Variants in SH3RF3 observed in about 807,000 individuals in gnomAD.
SH3RF3 encodes the protein SH3 domain containing ring finger 3.
Under a neutral mutation model 66.3 loss-of-function variants are expected in SH3RF3, and 29 were observed. The observed-to-expected ratio is 0.44, with a 90% CI of 0.33 to 0.60. The LOEUF (loss-of-function observed/expected upper bound fraction) is 0.60, where lower values mean the gene tolerates loss of function less well. SH3RF3 is among the 20% of genes least tolerant of loss of function. The pLI is 0.04. For synonymous variants in SH3RF3, 583 were observed against 532.0 expected (o/e 1.10, Z -1.32); for missense variants, 1,194 against 1,190.9 (o/e 1.00, Z -0.04).
intron 1 of SH3RF3, among the ~76,000 whole-genome samples, chr2:109,307,072 C>G (rs1015847391): frequency 6.6e-6 from 1 of 152,064 alleles, no homozygotes; most frequent in African/African-American, 2.4e-5. Context: ...TTTATTGATT[C>G]TTTGTGTAAT....
At chr2:109,257,731 A>C (rs1680254758) in intron 1 of SH3RF3, among the ~76,000 whole-genome samples, 1 of 152,288 alleles carries the variant, frequency 6.6e-6, no homozygotes, top group Non-Finnish European at 1.5e-5. Flanking sequence ...TCCCTGTCTC[A>C]GTGTCCAAAA....
At chr2:109,435,641 A>G (rs1209277964) in intron 6 of SH3RF3, among the ~76,000 whole-genome samples, 1 of 152,260 alleles carries the variant, frequency 6.6e-6, no homozygotes, top group South Asian at 2.1e-4. Flanking sequence ...CCATCCTGCC[A>G]TGAGGGCAGA....
intron 8 of SH3RF3, among the ~76,000 whole-genome samples, chr2:109,458,065 G>A (rs1678111204): frequency 6.6e-6 from 1 of 152,124 alleles, no homozygotes; most frequent in Admixed American, 6.5e-5. Context: ...TGCAGGAGCC[G>A]GGGAGGGCAC....
intron 4 of SH3RF3, among the ~76,000 whole-genome samples, chr2:109,400,907 G>A (rs1676297211): frequency 6.6e-6 from 1 of 152,202 alleles, no homozygotes; most frequent in Admixed American, 6.5e-5. Context: ...TCTGTAAGGG[G>A]AAAAGCATAA....
At chr2:109,171,317 T>C (rs925444529) in intron 1 of SH3RF3, among the ~76,000 whole-genome samples, 1 of 152,268 alleles carries the variant, frequency 6.6e-6, no homozygotes, top group Non-Finnish European at 1.5e-5. Context: ...CTATTTCTTA[T>C]CTATAGCCTG....
At chr2:109,322,617 C>T (rs186811988) in intron 1 of SH3RF3, among the ~76,000 whole-genome samples, 1 of 152,266 alleles carries the variant, frequency 6.6e-6, no homozygotes, top group Admixed American at 6.5e-5. Context: ...GCAGTAGTCG[C>T]CAGTCAAATG....
chr2:109,264,287 C>G (rs1202350584), intron 1 of SH3RF3, among the ~76,000 whole-genome samples: 1 of 150,984 alleles, frequency 6.6e-6, no homozygotes, highest in African/African-American at 2.4e-5. Flanking sequence ...TGCCCCCATC[C>G]ACCTCCACAG....
chr2:109,378,701 G>A (rs1683445374), intron 3 of SH3RF3, among the ~76,000 whole-genome samples: 1 of 152,158 alleles, frequency 6.6e-6, no homozygotes, highest in South Asian at 2.1e-4. Flanking sequence ...CCTTTCATGT[G>A]GGGCTAATTT....
intron 3 of SH3RF3, among the ~76,000 whole-genome samples, chr2:109,385,901 TC>T (rs1245428150): frequency 4.7e-5 from 2 of 42,124 alleles, no homozygotes; most frequent in African/African-American, 1.5e-4. Context: ...GAAACTCTGC[TC>T]TTCTTCATAT....
chr2:109,396,293 G>A (rs1676141726), intron 3 of SH3RF3, among the ~76,000 whole-genome samples: 2 of 152,354 alleles, frequency 1.3e-5, no homozygotes, highest in African/African-American at 4.8e-5. Context: ...CAAAACAGCT[G>A]AGCCTGGTTG....
chr2:109,344,255 G>T (rs1296288497), intron 1 of SH3RF3, among the ~76,000 whole-genome samples: 1 of 152,220 alleles, frequency 6.6e-6, no homozygotes, highest in African/African-American at 2.4e-5. Flanking sequence ...GTGGCCGATG[G>T]AGTTAGGATG....
chr2:109,472,071 A>G (rs1219681885), intron 8 of SH3RF3, among the ~76,000 whole-genome samples: 1 of 152,210 alleles, frequency 6.6e-6, no homozygotes, highest in Admixed American at 6.5e-5. Context: ...GCTTCTTTCA[A>G]ATTCCCATCC....
At chr2:109,340,841 T>A (rs1170693071) in intron 1 of SH3RF3, among the ~76,000 whole-genome samples, 1 of 152,066 alleles carries the variant, frequency 6.6e-6, no homozygotes, top group East Asian at 1.9e-4. Flanking sequence ...ACAGATGACC[T>A]AACCGCTGCT....
intron 8 of SH3RF3, among the ~76,000 whole-genome samples, chr2:109,454,316 A>G (rs1677974692): frequency 6.6e-6 from 1 of 152,216 alleles, no homozygotes; most frequent in South Asian, 2.1e-4. Context: ...TCAGCTGGGC[A>G]TGGACCCTTA....
chr2:109,487,689 T>G (rs1344278296), intron 8 of SH3RF3, among the ~76,000 whole-genome samples: 1 of 152,092 alleles, frequency 6.6e-6, no homozygotes, highest in Admixed American at 6.5e-5. Flanking sequence ...CGTCTCCAGC[T>G]CCACCATACC....
rs1401898797 is a variant in SH3RF3, at chr2:109,288,340, C to T, written c.574-59334C>T. 3.3e-5 allele frequency among the ~76,000 whole-genome samples: 5 copies of T among 152,168 alleles called. No homozygotes were observed. The East Asian group carries it at 7.7e-4, about 23-fold the overall frequency. On this transcript the variant is annotated intron_variant, in intron 1 of 9. Coordinates refer to ENST00000309415, the MANE Select transcript of SH3RF3 (RefSeq NM_001099289.3). ...GGAGTCCGGGGAGTTGCCCATAGTT[C>T]TTAATGTATTAGGGAACAGGAACAC...
At chr2:109,133,644 T>C (rs1490025998) in intron 1 of SH3RF3, among the ~76,000 whole-genome samples, 3 of 152,198 alleles carry the variant, frequency 2.0e-5, no homozygotes, top group Non-Finnish European at 1.5e-5. Context: ...TGTTTGATGT[T>C]CTCATTTACA....
At chr2:109,171,383 G>A (rs1302285909) in intron 1 of SH3RF3, among the ~76,000 whole-genome samples, 1 of 152,182 alleles carries the variant, frequency 6.6e-6, no homozygotes, top group Non-Finnish European at 1.5e-5. Context: ...TTTGTTGTTA[G>A]TGACTATGAA....
intron 8 of SH3RF3, among the ~76,000 whole-genome samples, chr2:109,482,390 AC>A: frequency 6.6e-6 from 1 of 152,310 alleles, no homozygotes; most frequent in Middle Eastern, 3.4e-3. Context: ...ACTAATAAAT[AC>A]CAGGGACACC....
Sources: gnomAD v4.1 joint callset for allele counts (sites outside exome capture counted in the v4.1 genomes callset) on GRCh38, gnomAD v4.1.1 for gene constraint, MANE v1.5 for transcripts, NCBI Gene and HGNC (gene_info 2026-07-23, HGNC 2026-07-21) for gene names.